The following NEK10 variants were observed in gnomAD, a reference collection of about 807,000 sequenced individuals.
The protein encoded by NEK10 is serine/threonine-protein kinase Nek10.
A neutral mutation model predicts 159.8 loss-of-function variants in NEK10; 122 were observed. The observed-to-expected ratio is 0.76, with a 90% CI of 0.66 to 0.89. The LOEUF (loss-of-function observed/expected upper bound fraction) is 0.89, where lower values mean the gene tolerates loss of function less well. Among genes scored for constraint, NEK10 ranks in the 40% least tolerant of loss-of-function variants. The probability of loss-of-function intolerance (pLI) is 0.00; values close to 1 mark genes in which losing one functional copy is unlikely to be tolerated. For synonymous variants in NEK10, 466 were observed against 457.1 expected (o/e 1.02, Z -0.25); for missense variants, 1,342 against 1,323.1 (o/e 1.01, Z -0.22).
chr3:27,278,138 C>G lies in NEK10; in HGVS notation c.2014+6464G>C, dbSNP rs75870875. Reference sequence around the variant, plus strand: ...ACTCACAGGACATATAATAATAGGTCACAACTTGATTTGTCCCACAGGCTG... The same window carrying G: ...ACTCACAGGACATATAATAATAGGTGACAACTTGATTTGTCCCACAGGCTG... On this transcript the variant is annotated intron_variant, in intron 22 of 35. Transcript: ENST00000691995. 5.3e-5 allele frequency among the ~76,000 whole-genome samples: 8 copies of G among 152,274 alleles called. No individual in the cohort carries two copies. The East Asian group carries it at 1.5e-3, about 29-fold the overall frequency.
intron 26 of NEK10, among the ~76,000 whole-genome samples, chr3:27,189,010 A>G (rs1221799800): frequency 6.6e-6 from 1 of 152,156 alleles, no homozygotes; most frequent in African/African-American, 2.4e-5. Flanking sequence ...AATACCCTCT[A>G]CATGACAATA....
At chr3:27,119,719 T>A in intron 33 of NEK10, 41 bp downstream of exon 33, 1 of 1,447,930 alleles carries the variant, frequency 6.9e-7, no homozygotes. Context: ...AACAATATAT[T>A]TCTTCATGAA....
In NEK10 at chr3:27,223,055, A is replaced by G. The variant is rs558918712; in HGVS notation, c.2091-20498T>C. ...ATAATTAATAGAACTTTTTAGAGCT[A>G]GGACATCTAATTCAACAGTTTCCAA... is the stretch of plus-strand genomic sequence containing the variant. On this transcript the variant is annotated intron_variant, in intron 23 of 35. Transcript: ENST00000691995. Among the ~76,000 whole-genome samples, 6 of 152,328 alleles carry G rather than the reference A, an allele frequency of 3.9e-5. No individual in the cohort carries two copies. The East Asian group carries it at 9.6e-4, about 24-fold the overall frequency.
At chr3:27,317,984 T>C (rs904214044) in intron 6 of NEK10, among the ~76,000 whole-genome samples, 16 of 152,100 alleles carry the variant, frequency 1.1e-4, no homozygotes, top group African/African-American at 3.9e-4. Context: ...TTCTATTTTT[T>C]AGTAGAGACG....
chr3:27,173,349 C>G (rs1227863917), intron 28 of NEK10, among the ~76,000 whole-genome samples: 2 of 152,180 alleles, frequency 1.3e-5, no homozygotes, highest in African/African-American at 2.4e-5. Context: ...ATATAGAACA[C>G]TGAACTTATC....
intron 31 of NEK10, among the ~76,000 whole-genome samples, chr3:27,138,797 C>T (rs1306825330): frequency 6.6e-6 from 1 of 152,194 alleles, no homozygotes; most frequent in African/African-American, 2.4e-5. Context: ...CCATGGCATG[C>T]AGTTGCATCA....
chr3:27,352,342 G>T, intron 3 of NEK10, 123 bp downstream of exon 3: 1 of 705,170 alleles, frequency 1.4e-6, no homozygotes, highest in East Asian at 2.7e-5. Flanking sequence ...TGAAGAAAGA[G>T]CAAAGATGTG....
chr3:27,110,734 A>C lies in NEK10; in HGVS notation c.*538T>G, dbSNP rs1939423916. 1 of 152,650 alleles carries C rather than the reference A, an allele frequency of 6.6e-6. No homozygotes were observed. Among genetic ancestry groups the C allele is most frequent in the Admixed American group, 6.5e-5 (1 of 15,272 alleles). 9.5% of individuals were successfully genotyped at this position (152,650 alleles called of 1,614,324 possible). A position where few individuals can be genotyped will look rare whatever the true frequency, so the allele number is the denominator to read the frequency against. On this transcript the variant is annotated 3_prime_UTR_variant, in exon 36 of 36. Coordinates refer to ENST00000691995, the MANE Select transcript of NEK10 (RefSeq NM_001394966.1). ...GAACCAACCCATCCATTAAAAAAAA[A>C]AAAATTTAATCACGTATTTTGAATT...
At chr3:27,218,702 T>A (rs1575310962) in intron 23 of NEK10, among the ~76,000 whole-genome samples, 10 of 85,656 alleles carry the variant, frequency 1.2e-4, no homozygotes, top group Admixed American at 1.4e-4. Flanking sequence ...CGAAAATCAA[T>A]CCAGGTAAAA....
chr3:27,187,294 G>A (rs1427053069), intron 26 of NEK10, among the ~76,000 whole-genome samples: 8 of 152,238 alleles, frequency 5.3e-5, no homozygotes, highest in South Asian at 4.1e-4. Context: ...AAGAGGACAC[G>A]GAGAAGAGAA....
At chr3:27,285,662 T>C (rs962245210) in intron 20 of NEK10, among the ~76,000 whole-genome samples, 1 of 152,230 alleles carries the variant, frequency 6.6e-6, no homozygotes, top group African/African-American at 2.4e-5. Flanking sequence ...CAAATTCTAC[T>C]TCCTCCTCTA....
intron 22 of NEK10, among the ~76,000 whole-genome samples, chr3:27,260,228 T>C (rs1218157742): frequency 6.6e-6 from 1 of 152,188 alleles, no homozygotes; most frequent in African/African-American, 2.4e-5. Context: ...TCCTGCCTGA[T>C]TGCCCTGGCC....
intron 22 of NEK10, among the ~76,000 whole-genome samples, chr3:27,283,343 A>G (rs1450727658): frequency 2.0e-5 from 3 of 152,158 alleles, no homozygotes; most frequent in Non-Finnish European, 4.4e-5. Flanking sequence ...GGCAGCAAAA[A>G]TATTAAGACC....
intron 4 of NEK10, among the ~76,000 whole-genome samples, chr3:27,345,172 A>C (rs1215144950): frequency 6.6e-6 from 1 of 152,228 alleles, no homozygotes; most frequent in Non-Finnish European, 1.5e-5. Flanking sequence ...CCTCAAAGGA[A>C]AGGTGTGTAA....
chr3:27,152,819 G>C (rs1945018495), intron 30 of NEK10, among the ~76,000 whole-genome samples: 1 of 152,068 alleles, frequency 6.6e-6, no homozygotes, highest in Non-Finnish European at 1.5e-5. Flanking sequence ...GGTGGAAAAA[G>C]GCATTTCATG....
chr3:27,260,952 G>T (rs2040357463), intron 22 of NEK10, among the ~76,000 whole-genome samples: 1 of 152,106 alleles, frequency 6.6e-6, no homozygotes. Flanking sequence ...AGTCTTGGGA[G>T]GGTGTATGTG....
intron 11 of NEK10, 137 bp downstream of exon 11, chr3:27,307,722 T>C: frequency 1.6e-6 from 1 of 636,084 alleles, no homozygotes; most frequent in Non-Finnish European, 2.8e-6. Flanking sequence ...TTATATAAAC[T>C]TAAACAGAAA....
chr3:27,258,143 C>T (rs952972067), intron 22 of NEK10, among the ~76,000 whole-genome samples: 7 of 151,720 alleles, frequency 4.6e-5, no homozygotes, highest in African/African-American at 1.7e-4. Context: ...TAATATACTG[C>T]TGATATATAT....
chr3:27,165,537 T>C (rs537540846), intron 29 of NEK10, among the ~76,000 whole-genome samples: 11 of 152,316 alleles, frequency 7.2e-5, no homozygotes, highest in Middle Eastern at 3.4e-3. Flanking sequence ...AGGCTTAACA[T>C]ATTACTGTTT....
Sources: gnomAD v4.1 joint callset for allele counts (sites outside exome capture counted in the v4.1 genomes callset) on GRCh38, gnomAD v4.1.1 for gene constraint, MANE v1.5 for transcripts, NCBI Gene and HGNC (gene_info 2026-07-23, HGNC 2026-07-21) for gene names.